SUPT5H: variants seen among roughly 807,000 people sequenced by gnomAD.
SUPT5H encodes the protein transcription elongation factor SPT5.
Under a neutral mutation model 142.5 loss-of-function variants are expected in SUPT5H, and 24 were observed. That is an observed-to-expected ratio of 0.17 (90% CI 0.12 to 0.24). SUPT5H has a LOEUF of 0.24. Among genes scored for constraint, SUPT5H ranks in the 10% least tolerant of loss-of-function variants. The pLI is 1.00. For missense variants in SUPT5H, 893 were observed against 1,471.8 expected (o/e 0.61, Z 6.43); for synonymous variants, 546 against 553.0 (o/e 0.99, Z 0.18).
At chr19:39,455,360 G>A (rs926776141) in intron 3 of SUPT5H, among the ~76,000 whole-genome samples, 2 of 151,996 alleles carry the variant, frequency 1.3e-5, no homozygotes, top group South Asian at 2.1e-4. Context: ...TTAGGAGTTC[G>A]AGACCAGCCT....
rs2079126389 is a variant in SUPT5H at position 39,458,999 on chromosome 19, C to T, written c.390-6C>T. On this transcript the variant is annotated splice_region_variant and splice_polypyrimidine_tract_variant and intron_variant, in intron 6 of 29. Coordinates refer to ENST00000432763, the MANE Select transcript of SUPT5H (RefSeq NM_001111020.3). The surrounding 1 kb of genome is among the most constrained non-coding windows in gnomAD (Gnocchi z 4.2). The stretch of plus-strand genomic sequence containing the variant: ...ATTCGTGTTTGCTTCCCCACTCGTG[C>T]TCCAGGGACCAGCGAGAAGAAGAAC... 6.2e-7 allele frequency: 1 copy of T among 1,614,092 alleles called. No homozygotes were observed. Among genetic ancestry groups the T allele is most frequent in the Non-Finnish European group, 8.5e-7 (1 of 1,180,028 alleles).
At chr19:39,453,579 A>G (rs2079047901) in intron 3 of SUPT5H, 58 bp downstream of exon 3, 2 of 1,433,598 alleles carry the variant, frequency 1.4e-6, no homozygotes, top group Non-Finnish European at 1.8e-6. Flanking sequence ...TTTTAGTTCC[A>G]TTTCTTTTTC....
At position 39,459,214 on chromosome 19, in the gene SUPT5H, C is replaced by T. The variant is rs374886918; in HGVS notation, c.489C>T (p.Asp163=). 1.8e-5 allele frequency: 29 copies of T among 1,573,554 alleles called. No individual in the cohort carries two copies. The highest frequency in any genetic ancestry group is 1.2e-4 in the East Asian group (5 of 42,646). The change falls in exon 8 of 30, where the codon GAC becomes GAT. Residue 163 remains aspartate (D), a synonymous_variant. Transcript: ENST00000432763. The part of the protein sequence containing the change: ...TVYGGSDELS[D]DITQQQLLPG... ...ATGGAGGATCTGATGAGCTCTCAGA[C>T]GACATCACCCAGCAGCAGCTGCTCC...
In SUPT5H at chr19:39,445,776, A is replaced by G. The variant is rs1290750773; in HGVS notation, c.-87-28A>G. The G allele has an allele frequency of 4.8e-6, 6 of 1,262,454 alleles. No individual in the cohort carries two copies. The Admixed American group carries it at 8.2e-5, about 17-fold the overall frequency. The allele number at this position is 1,262,454 out of a possible 1,614,324, so 78.2% of individuals were successfully genotyped here. On this transcript the variant is annotated intron_variant, in intron 1 of 29. Coordinates refer to ENST00000432763, the MANE Select transcript of SUPT5H (RefSeq NM_001111020.3). ...CGATTGCCAAAACGAGCCTGCCGGA[A>G]GCGCCCTAAGGGGTTTTCTTCTCCC...
intron 20 of SUPT5H, 112 bp downstream of exon 20, chr19:39,471,842 G>A: frequency 1.4e-6 from 2 of 1,417,066 alleles, no homozygotes; most frequent in Non-Finnish European, 1.9e-6. Flanking sequence ...GGAGAGCAGT[G>A]TCATTGTCAG....
chr19:39,445,962 C>T lies in SUPT5H; in HGVS notation c.72C>T (p.Ala24=). ...AGCGCAGCAGTGACGGCGAGGAGGC[C>T]GAGGTCTGTGGCTGGGGCGCTGGGG... is the stretch of plus-strand genomic sequence containing the variant. ...DSERSSDGEE[A]EVDEERRSAA... is the part of the protein sequence containing the mutation. The change falls in exon 2 of 30, where the codon GCC becomes GCT. Residue 24 remains alanine (A), a synonymous_variant. Coordinates refer to ENST00000432763, the MANE Select transcript of SUPT5H (RefSeq NM_001111020.3). The T allele has an allele frequency of 6.2e-7, 1 of 1,612,480 alleles. No individual in the cohort carries two copies. Among genetic ancestry groups the T allele is most frequent in the Non-Finnish European group, 8.5e-7 (1 of 1,179,872 alleles).
intron 3 of SUPT5H, among the ~76,000 whole-genome samples, chr19:39,453,955 T>C (rs1316586168): frequency 1.4e-5 from 2 of 146,796 alleles, no homozygotes; most frequent in Non-Finnish European, 1.5e-5. Flanking sequence ...ACAAAATACA[T>C]AGGATTCCAA....
chr19:39,472,314 G>A lies in SUPT5H; in HGVS notation c.1951-95G>A. ...GGCCTGGGGTGTGGGTGGCTGGGTG[G>A]TCTCCTCAGGGCCCTGCACGTGGGA... is the stretch of plus-strand genomic sequence containing the variant. On this transcript the variant is annotated intron_variant, in intron 20 of 29. Transcript: ENST00000432763. This position sits in a 1 kb window ranked among gnomAD's most constrained non-coding sequence, Gnocchi z 4.2. The A allele has an allele frequency of 8.3e-7, 1 of 1,207,186 alleles. No individual in the cohort carries two copies. The highest frequency in any genetic ancestry group is 1.2e-6 in the Non-Finnish European group (1 of 824,018). 74.8% of individuals were successfully genotyped at this position (1,207,186 alleles called of 1,614,324 possible).
intron 3 of SUPT5H, 147 bp downstream of exon 3, chr19:39,453,668 C>T: frequency 1.1e-6 from 1 of 949,208 alleles, no homozygotes; most frequent in Non-Finnish European, 1.4e-6. Flanking sequence ...AAGTTCATGC[C>T]ATTCTCCTGC....
chr19:39,461,256 C>G (rs1158021595), intron 10 of SUPT5H, among the ~76,000 whole-genome samples: 1 of 151,974 alleles, frequency 6.6e-6, no homozygotes, highest in Non-Finnish European at 1.5e-5. Context: ...CGCTATTGCA[C>G]TCCAGCCTGG....
chr19:39,465,487 G>A (rs2079222780), intron 11 of SUPT5H, among the ~76,000 whole-genome samples: 1 of 152,226 alleles, frequency 6.6e-6, no homozygotes, highest in East Asian at 1.9e-4. Flanking sequence ...TTTCTCTGGT[G>A]ACTGTGTTGA....
intron 28 of SUPT5H, 164 bp from the exon 29 acceptor site, chr19:39,475,917 C>T (rs982160695): frequency 4.8e-6 from 3 of 631,508 alleles, no homozygotes; most frequent in Admixed American, 5.9e-5. Context: ...CCCTGACATG[C>T]ACCACAGGCC....
At chr19:39,448,169 G>T (rs1294864088) in intron 2 of SUPT5H, among the ~76,000 whole-genome samples, 2 of 152,214 alleles carry the variant, frequency 1.3e-5, no homozygotes, top group Non-Finnish European at 2.9e-5. Flanking sequence ...AAAAGGAAAA[G>T]ATTTCATGTG....
rs369242189 is a variant in SUPT5H, at chr19:39,474,002, C to T, written c.2532C>T (p.Pro844=). ...EEYEYAFDDE[P]TPSPQAYGGT... is the part of the protein sequence containing the mutation. ...ATGAGTATGCTTTCGATGATGAGCC[C>T]ACCCCGTCCCCGCAGGCCTATGGGG... is the stretch of plus-strand genomic sequence containing the variant. The change falls in exon 26 of 30, where the codon CCC becomes CCT. Residue 844 remains proline (P), a synonymous_variant. Coordinates refer to ENST00000432763, the MANE Select transcript of SUPT5H (RefSeq NM_001111020.3). This position sits in a 1 kb window ranked among gnomAD's most constrained non-coding sequence, Gnocchi z 6.5. 2.5e-6 allele frequency: 4 copies of T among 1,613,950 alleles called. No homozygotes were observed. The highest frequency in any genetic ancestry group is 2.2e-5 in the East Asian group (1 of 44,886).
chr19:39,459,729 T>C (rs953751782), intron 9 of SUPT5H, 140 bp downstream of exon 9: 2 of 1,306,138 alleles, frequency 1.5e-6, no homozygotes, highest in African/African-American at 2.9e-5. Flanking sequence ...CACTCCACGT[T>C]ACTGACTGGC....
rs915646042 is a variant in SUPT5H at position 39,470,633 on chromosome 19, C to A, written c.1677+110C>A. The A allele has an allele frequency of 1.6e-6, 2 of 1,256,912 alleles. No homozygotes were observed. The highest frequency in any genetic ancestry group is 2.1e-6 in the Non-Finnish European group (2 of 933,322). The allele number at this position is 1,256,912 out of a possible 1,614,324, so 77.9% of individuals were successfully genotyped here. On this transcript the variant is annotated intron_variant, in intron 18 of 29. Coordinates refer to ENST00000432763, the MANE Select transcript of SUPT5H (RefSeq NM_001111020.3). This position sits in a 1 kb window ranked among gnomAD's most constrained non-coding sequence, Gnocchi z 5.8. ...CCCCAGACTGCTCTGGGTTGCAGAT[C>A]TGGCTCTGTCACTTACATCTGAATG...
At chr19:39,453,567 A>C (rs956250696) in intron 3 of SUPT5H, 46 bp downstream of exon 3, 17 of 1,449,592 alleles carry the variant, frequency 1.2e-5, no homozygotes, top group Non-Finnish European at 1.6e-5. Context: ...CTGAGCTTCT[A>C]CTTTTAGTTC....
chr19:39,468,582 G>A, intron 13 of SUPT5H, 174 bp from the exon 14 acceptor site: 1 of 608,576 alleles, frequency 1.6e-6, no homozygotes, highest in Non-Finnish European at 2.9e-6. Flanking sequence ...GAGGTGGGAG[G>A]CGGGCCTTTG....
In SUPT5H at chr19:39,472,367, C is replaced by T; in HGVS notation, c.1951-42C>T. On this transcript the variant is annotated intron_variant, in intron 20 of 29. Transcript: ENST00000432763. The surrounding 1 kb of genome is among the most constrained non-coding windows in gnomAD (Gnocchi z 4.2). ...ATGAGTTCCTGTGGTTTGTGGTTCC[C>T]CCATCCCCTGCCTGCCAGTTCACTC... The T allele has an allele frequency of 6.3e-7, 1 of 1,598,164 alleles. No individual in the cohort carries two copies. The highest frequency in any genetic ancestry group is 8.6e-7 in the Non-Finnish European group (1 of 1,166,386).
Sources: allele counts gnomAD v4.1 joint callset (sites outside exome capture counted in the v4.1 genomes callset), GRCh38; gene constraint gnomAD v4.1.1; non-coding constraint Gnocchi (gnomAD v3.1); transcripts MANE v1.5; gene names NCBI Gene and HGNC (gene_info 2026-07-23, HGNC 2026-07-21).